The following STOML2 variants were observed in gnomAD, a reference collection of about 807,000 sequenced individuals.
The protein encoded by STOML2 is stomatin like 2.
In STOML2, 22 loss-of-function variants were observed where a neutral mutation model predicts 45.7. The ratio of observed to expected loss-of-function variants is 0.48; its 90% CI spans 0.34 to 0.69. STOML2 has a LOEUF of 0.69. Ranked by LOEUF, STOML2 falls within the 30% of genes least tolerant of loss-of-function variation. STOML2 has a pLI of 0.01. For synonymous variants in STOML2, 181 were observed against 182.7 expected, an observed-to-expected ratio of 0.99 and a Z score of 0.08; for missense variants, 359 against 466.9, an observed-to-expected ratio of 0.77 and a Z score of 2.13.
Position 35,102,123 on chromosome 9 carries a change from G to C in STOML2, c.255C>G (p.Asn85Lys). ...GAGTCACAGCCGACTGCTCAGGCAC[G>C]TTGATGACAATTTCCTTGAGACTCT... is the stretch of plus-strand genomic sequence containing the variant. ...YVQSLKEIVI[N>K]VPEQSAVTLD... is the part of the protein sequence containing the mutation. The change falls in exon 3 of 10, where the codon AAC (asparagine) becomes AAG (lysine). Residue 85 changes from asparagine to lysine, a missense_variant. Asn to Lys is a moderately conservative substitution (Grantham distance 94, BLOSUM62 0). Transcript: ENST00000356493. This position sits in a 1 kb window ranked among gnomAD's most constrained non-coding sequence, Gnocchi z 4.8. 2 of 1,613,966 alleles carry C rather than the reference G, an allele frequency of 1.2e-6. No individual in the cohort carries two copies. The highest frequency in any genetic ancestry group is 8.5e-7 in the Non-Finnish European group (1 of 1,179,996).
Position 35,101,307 on chromosome 9 carries a change from C to T in STOML2, c.580-28G>A. The T allele has an allele frequency of 6.2e-7, 1 of 1,614,148 alleles. No individual in the cohort carries two copies. Among genetic ancestry groups the T allele is most frequent in the Non-Finnish European group, 8.5e-7 (1 of 1,180,016 alleles). ...GGAAGCCCACAACAATCCCAATCAACAAGCCAAGGGAGACTGATACAGACA... is the reference window on the plus strand; with the variant it reads ...GGAAGCCCACAACAATCCCAATCAATAAGCCAAGGGAGACTGATACAGACA... On this transcript the variant is annotated intron_variant, in intron 6 of 9. Transcript: ENST00000356493. The surrounding 1 kb of genome is among the most constrained non-coding windows in gnomAD (Gnocchi z 4.3).
In STOML2 at chr9:35,101,041, C is replaced by A; in HGVS notation, c.725-30G>T. 2 of 1,612,404 alleles carry A rather than the reference C, an allele frequency of 1.2e-6. No homozygotes were observed. The highest frequency in any genetic ancestry group is 1.7e-6 in the Non-Finnish European group (2 of 1,178,734). On this transcript the variant is annotated intron_variant, in intron 7 of 9. Transcript: ENST00000356493. This position sits in a 1 kb window ranked among gnomAD's most constrained non-coding sequence, Gnocchi z 4.3. ...AAGAGAAGGGACAGAGCTTGCTTGA[C>A]CCATGAAGTCAAAGTACCCCAAAGA...
In STOML2 at chr9:35,102,651, T is replaced by C. The variant is rs1434859533; in HGVS notation, c.183+35A>G. 1 of 1,608,062 alleles carries C rather than the reference T, an allele frequency of 6.2e-7. No homozygotes were observed. The highest frequency in any genetic ancestry group is 2.2e-5 in the East Asian group (1 of 44,840). ...TGCATGTCGTGAGGGATTGGTCATC[T>C]GGCTGGCCCAGGGTGGGCAGAAGAG... On this transcript the variant is annotated intron_variant, in intron 2 of 9. Transcript: ENST00000356493. This position sits in a 1 kb window ranked among gnomAD's most constrained non-coding sequence, Gnocchi z 4.8.
rs1222513948 is a variant in STOML2 at position 35,100,030 on chromosome 9, C to T, written c.*5G>A. The stretch of plus-strand genomic sequence containing the variant: ...TCCCAGACTCCCTGGCCAAGCCCAG[C>T]TCCACTAACTCATCTTGACTCGATC... On this transcript the variant is annotated 3_prime_UTR_variant, in exon 10 of 10. Coordinates refer to ENST00000356493, the MANE Select transcript of STOML2 (RefSeq NM_013442.3). The T allele has an allele frequency of 6.2e-7, 1 of 1,613,428 alleles. No homozygotes were observed. Among genetic ancestry groups the T allele is most frequent in the South Asian group, 1.1e-5 (1 of 91,068 alleles).
rs1307964198 is a variant in STOML2, at chr9:35,101,243, CTA to C, written c.614_615del (p.Leu205ArgfsTer3). On this transcript the variant is annotated frameshift_variant, in exon 7 of 10. Transcript: ENST00000356493. LOFTEE classifies it high-confidence loss of function. This position sits in a 1 kb window ranked among gnomAD's most constrained non-coding sequence, Gnocchi z 4.3. ...GCCGACTCTCGGGTCCCCTCAGACT[CTA>C]GAACTGTGGCCCGTTTCCGCCGCTC... ...EAERRKRATV[L>X]ESEGTRESAI... The C allele has an allele frequency of 1.9e-6, 3 of 1,614,208 alleles. No homozygotes were observed. Among genetic ancestry groups the C allele is most frequent in the Non-Finnish European group, 2.5e-6 (3 of 1,180,042 alleles).
chr9:35,100,160 A>T lies in STOML2; in HGVS notation c.946T>A (p.Tyr316Asn). Residue 316 changes from tyrosine to asparagine, a missense_variant, in exon 10 of 10, where the codon TAT becomes AAT. Physicochemically the swap from Tyr to Asn is moderately radical, Grantham distance 143. Transcript: ENST00000356493. Reference sequence around the variant, plus strand: ...ACTGGGGCTTTGGTGAGGGCTCCATATACACCCATGGCCTGAGGAGAGGAA... The same window carrying T: ...ACTGGGGCTTTGGTGAGGGCTCCATTTACACCCATGGCCTGAGGAGAGGAA... The part of the protein sequence containing the change: ...TSMVAQAMGV[Y>N]GALTKAPVPG... 6.2e-7 allele frequency: 1 copy of T among 1,614,014 alleles called. No individual in the cohort carries two copies. The highest frequency in any genetic ancestry group is 8.5e-7 in the Non-Finnish European group (1 of 1,179,966).
At chr9:35,100,572 A>C (rs586017) in intron 9 of STOML2, 26 bp downstream of exon 9, 2 of 1,612,380 alleles carry the variant, frequency 1.2e-6, no homozygotes, top group African/African-American at 1.3e-5. Context: ...CCAGTGCTCT[A>C]TGCTGGGTCC....
rs758844875 is a variant in STOML2, at chr9:35,103,022, C to T, written c.45+28G>A. 3.1e-6 allele frequency: 5 copies of T among 1,613,852 alleles called. No homozygotes were observed. In the Admixed American group the frequency reaches 6.7e-5, roughly 22 times the overall value. On this transcript the variant is annotated intron_variant, in intron 1 of 9. Coordinates refer to ENST00000356493, the MANE Select transcript of STOML2 (RefSeq NM_013442.3). ...AGAACCCAGGTAATCTCTGTCCTGA[C>T]CCTCTGGAAAGGTTGCCTCGCTCTC...
In STOML2 at chr9:35,101,351, A is replaced by C; in HGVS notation, c.580-72T>G. 6.2e-7 allele frequency: 1 copy of C among 1,611,736 alleles called. No homozygotes were observed. The highest frequency in any genetic ancestry group is 1.1e-5 in the South Asian group (1 of 90,968). On this transcript the variant is annotated intron_variant, in intron 6 of 9. Coordinates refer to ENST00000356493, the MANE Select transcript of STOML2 (RefSeq NM_013442.3). The surrounding 1 kb of genome is among the most constrained non-coding windows in gnomAD (Gnocchi z 4.3). ...ACAGACATGCAACTCTACCCATCAT[A>C]ACAGGAGGGAAGTCTGGATCCTCCT...
chr9:35,100,154 C>T lies in STOML2; in HGVS notation c.952G>A (p.Ala318Thr). ...CCTGGCACTGGGGCTTTGGTGAGGG[C>T]TCCATATACACCCATGGCCTGAGGA... The part of the protein sequence containing the change: ...MVAQAMGVYG[A>T]LTKAPVPGTP... The change falls in exon 10 of 10, where the codon GCC becomes ACC. Residue 318 changes from alanine (A) to threonine (T), a missense_variant. By Grantham distance (58) the Ala-to-Thr change is moderately conservative. This residue lies in a region of STOML2 where 285 missense variants were observed against 422.0 expected (regional missense o/e 0.68). Coordinates refer to ENST00000356493, the MANE Select transcript of STOML2 (RefSeq NM_013442.3). The T allele has an allele frequency of 6.2e-7, 1 of 1,614,086 alleles. No homozygotes were observed. The highest frequency in any genetic ancestry group is 8.5e-7 in the Non-Finnish European group (1 of 1,180,008).
Position 35,101,832 on chromosome 9 carries a change from G to T in STOML2, c.343-21C>A. 6.2e-7 allele frequency: 1 copy of T among 1,614,178 alleles called. No individual in the cohort carries two copies. Among genetic ancestry groups the T allele is most frequent in the Non-Finnish European group, 8.5e-7 (1 of 1,180,010 alleles). ...CTTGCCTGAGATGGACACGGATAGT[G>T]TAAGAAGCTTGGGCACAAGATTTTA... On this transcript the variant is annotated intron_variant, in intron 4 of 9. Transcript: ENST00000356493. This position sits in a 1 kb window ranked among gnomAD's most constrained non-coding sequence, Gnocchi z 4.3.
At position 35,101,031 on chromosome 9, in the gene STOML2, G is replaced by A. The variant is rs531343740; in HGVS notation, c.725-20C>T. On this transcript the variant is annotated intron_variant, in intron 7 of 9. Transcript: ENST00000356493. This position sits in a 1 kb window ranked among gnomAD's most constrained non-coding sequence, Gnocchi z 4.3. ...CCTCTCCTGCAAGAGAAGGGACAGA[G>A]CTTGCTTGACCCATGAAGTCAAAGT... The A allele has an allele frequency of 1.1e-5, 17 of 1,613,336 alleles. No homozygotes were observed. In the African/African-American group the frequency reaches 2.1e-4, roughly 20 times the overall value.
rs563852102 is a variant in STOML2, at chr9:35,102,755, T to C, written c.114A>G (p.Val38=). 8.7e-6 allele frequency: 14 copies of C among 1,614,026 alleles called. No individual in the cohort carries two copies. In the South Asian group the frequency reaches 1.4e-4, roughly 16 times the overall value. ...ASSGLPRNTV[V]LFVPQQEAWV... ...AGGCCTCCTGCTGCGGCACGAACAG[T>C]ACCACGGTGTTTCGGGGCAATCCAG... Residue 38 remains valine, a synonymous_variant, in exon 2 of 10, where the codon GTA becomes GTG. Transcript: ENST00000356493. This position sits in a 1 kb window ranked among gnomAD's most constrained non-coding sequence, Gnocchi z 4.8.
Position 35,102,630 on chromosome 9 carries a change from TG to T in STOML2, c.183+55del. On this transcript the variant is annotated intron_variant, in intron 2 of 9. Coordinates refer to ENST00000356493, the MANE Select transcript of STOML2 (RefSeq NM_013442.3). This position sits in a 1 kb window ranked among gnomAD's most constrained non-coding sequence, Gnocchi z 4.8. ...CAAAGGAAGTCCTCCCGACATTGCA[TG>T]TCGTGAGGGATTGGTCATCTGGCTG... is the stretch of plus-strand genomic sequence containing the variant. The T allele has an allele frequency of 1.3e-6, 2 of 1,599,362 alleles. No homozygotes were observed. Among genetic ancestry groups the T allele is most frequent in the Non-Finnish European group, 1.7e-6 (2 of 1,173,768 alleles).
At position 35,100,584 on chromosome 9, in the gene STOML2, CAGAG is replaced by C. The variant is rs1410855785; in HGVS notation, c.933+10_933+13del. The C allele has an allele frequency of 1.2e-6, 2 of 1,613,270 alleles. No homozygotes were observed. The highest frequency in any genetic ancestry group is 1.7e-6 in the Non-Finnish European group (2 of 1,179,940). On this transcript the variant is annotated intron_variant, in intron 9 of 9. Transcript: ENST00000356493. ...GCACCAGTGCTCTATGCTGGGTCCT[CAGAG>C]AGCTCTAACCTGAGCCACCATGCTG...
rs371699957 is a variant in STOML2 at position 35,102,192 on chromosome 9, A to G, written c.186T>C (p.Gly62=). The change falls in exon 3 of 10, where the codon GGT becomes GGC. Residue 62 remains glycine, a splice_region_variant and synonymous_variant. Transcript: ENST00000356493. The surrounding 1 kb of genome is among the most constrained non-coding windows in gnomAD (Gnocchi z 4.8). ...CTAACACAGGGATGAGGATGTTCAAACCCTGGAAAGAGGAGTCATGGGTCC... is the reference window on the plus strand; with the variant it reads ...CTAACACAGGGATGAGGATGTTCAAGCCCTGGAAAGAGGAGTCATGGGTCC... ...MGRFHRILEP[G]LNILIPVLDR... 1.1e-5 allele frequency: 17 copies of G among 1,613,540 alleles called. No homozygotes were observed. The highest frequency in any genetic ancestry group is 1.4e-5 in the Non-Finnish European group (16 of 1,179,860).
rs1370037540 is a variant in STOML2 at position 35,103,090 on chromosome 9, A to G, written c.5T>C (p.Leu2Pro). M[L>P]ARAARGTGAL... ...CCCAGTGCCCCGCGCCGCGCGCGCC[A>G]GCATTTCCCACCGCCGCAGCGACCT... The change falls in exon 1 of 10, where the codon CTG becomes CCG. Residue 2 changes from leucine to proline, a missense_variant. Leu to Pro is a moderately conservative substitution (Grantham distance 98). Transcript: ENST00000356493. 6.2e-7 allele frequency: 1 copy of G among 1,613,608 alleles called. No individual in the cohort carries two copies. Among genetic ancestry groups the G allele is most frequent in the Non-Finnish European group, 8.5e-7 (1 of 1,179,944 alleles).
At chr9:35,100,853 G>A (rs910501449) in intron 8 of STOML2, 79 bp downstream of exon 8, 22 of 1,611,122 alleles carry the variant, frequency 1.4e-5, no homozygotes, top group Admixed American at 8.3e-5. Context: ...CCACAGAGGC[G>A]GAACTCTCCT....
chr9:35,102,509 G>T lies in STOML2; in HGVS notation c.183+177C>A, dbSNP rs1829841824. ...TTCCCAAGAATGGGGCCTGTGAGATGCATAGGAAAAGGTGGTAACATGGGG... is the reference window on the plus strand; with the variant it reads ...TTCCCAAGAATGGGGCCTGTGAGATTCATAGGAAAAGGTGGTAACATGGGG... On this transcript the variant is annotated intron_variant, in intron 2 of 9. Coordinates refer to ENST00000356493, the MANE Select transcript of STOML2 (RefSeq NM_013442.3). The surrounding 1 kb of genome is among the most constrained non-coding windows in gnomAD (Gnocchi z 4.8). 2 of 1,045,456 alleles carry T rather than the reference G, an allele frequency of 1.9e-6. No individual in the cohort carries two copies. Among genetic ancestry groups the T allele is most frequent in the Admixed American group, 2.4e-5 (1 of 41,834 alleles). 64.8% of individuals were successfully genotyped at this position (1,045,456 alleles called of 1,614,324 possible).
Sources: gnomAD v4.1 joint callset for allele counts on GRCh38, gnomAD v4.1.1 for gene constraint, gnomAD v4.1.1 regional missense constraint, Gnocchi (gnomAD v3.1) non-coding constraint, MANE v1.5 for transcripts, NCBI Gene and HGNC (gene_info 2026-07-23, HGNC 2026-07-21) for gene names.